The following SLC24A2 variants were observed in gnomAD, a reference collection of about 807,000 sequenced individuals.
SLC24A2 encodes the protein solute carrier family 24 member 2.
In SLC24A2, 36 loss-of-function variants were observed where a neutral mutation model predicts 62.0. That is an observed-to-expected ratio of 0.58 (90% CI 0.44 to 0.77). The LOEUF is 0.77. Among genes scored for constraint, SLC24A2 ranks in the 30% least tolerant of loss-of-function variants. The probability of loss-of-function intolerance (pLI) is 0.00; values close to 1 mark genes in which losing one functional copy is unlikely to be tolerated. For missense variants in SLC24A2, 846 were observed against 817.9 expected, an observed-to-expected ratio of 1.03 and a Z score of -0.42; for synonymous variants, 358 against 294.0, an observed-to-expected ratio of 1.22 and a Z score of -2.23.
the SLC24A2 span, among the ~76,000 whole-genome samples, chr9:20,074,983 G>C: frequency 1.3e-5 from 2 of 152,222 alleles, no homozygotes; most frequent in Middle Eastern, 6.8e-3. Flanking sequence ...TCTGAACCTT[G>C]GTTTCTGCAT....
At chr9:19,818,992 A>G in the SLC24A2 span, among the ~76,000 whole-genome samples, 5 of 152,008 alleles carry the variant, frequency 3.3e-5, no homozygotes, top group Non-Finnish European at 2.9e-5. Context: ...GCTGGTATCA[A>G]AATAGGCACA....
chr9:19,740,612 A>G (rs1056269687), intron 2 of SLC24A2, among the ~76,000 whole-genome samples: 37 of 152,194 alleles, frequency 2.4e-4, no homozygotes, highest in Admixed American at 1.4e-3. Flanking sequence ...CTATTTCCCA[A>G]TCCAGGTGGG....
chr9:20,295,153 A>C, the SLC24A2 span, among the ~76,000 whole-genome samples: 1 of 152,014 alleles, frequency 6.6e-6, no homozygotes, highest in African/African-American at 2.4e-5. Flanking sequence ...AAAATCCCTA[A>C]AGATCAAAAT....
At chr9:19,873,509 TTC>T in the SLC24A2 span, among the ~76,000 whole-genome samples, 1 of 141,976 alleles carries the variant, frequency 7.0e-6, no homozygotes, top group Non-Finnish European at 1.6e-5. Context: ...TTCTTTCTTT[TTC>T]TTTCTCTCTC....
At chr9:19,744,989 T>A (rs771643846) in intron 2 of SLC24A2, among the ~76,000 whole-genome samples, 4 of 152,158 alleles carry the variant, frequency 2.6e-5, no homozygotes, top group Non-Finnish European at 4.4e-5. Flanking sequence ...GTCATCCAAA[T>A]CTCCTGTTGA....
chr9:19,674,511 G>T (rs1431932117), intron 2 of SLC24A2, among the ~76,000 whole-genome samples: 8 of 152,058 alleles, frequency 5.3e-5, no homozygotes, highest in African/African-American at 1.7e-4. Flanking sequence ...ATTATTCCTA[G>T]GTTTGGTTAA....
chr9:20,019,236 A>AC, the SLC24A2 span, among the ~76,000 whole-genome samples: 2 of 148,978 alleles, frequency 1.3e-5, no homozygotes, highest in African/African-American at 4.9e-5. Context: ...AGAAAGAAAG[A>AC]AAAAGAAAGA....
At chr9:20,228,412 G>A in the SLC24A2 span, among the ~76,000 whole-genome samples, 2 of 152,050 alleles carry the variant, frequency 1.3e-5, no homozygotes, top group Non-Finnish European at 2.9e-5. Context: ...CACACCCAGA[G>A]AAGGAACACT....
the SLC24A2 span, among the ~76,000 whole-genome samples, chr9:20,227,607 G>T: frequency 1.4e-5 from 2 of 144,082 alleles, no homozygotes; most frequent in African/African-American, 5.0e-5. Context: ...TTTCTGTAAT[G>T]TACTATTAAT....
the SLC24A2 span, among the ~76,000 whole-genome samples, chr9:20,019,137 GAA>G: frequency 3.8e-5 from 4 of 105,446 alleles, no homozygotes; most frequent in African/African-American, 1.6e-4. Context: ...AAGAAAGAAA[GAA>G]AGAAAGAAAG....
intron 2 of SLC24A2, among the ~76,000 whole-genome samples, chr9:19,761,980 C>G (rs1822347942): frequency 1.3e-5 from 2 of 152,066 alleles, no homozygotes; most frequent in South Asian, 4.2e-4. Context: ...GATTCATAAT[C>G]CTTTGGGTAT....
the SLC24A2 span, among the ~76,000 whole-genome samples, chr9:19,802,438 G>A: frequency 0.013 from 2,018 of 152,236 alleles, 23 homozygotes; most frequent in Non-Finnish European, 0.021. Flanking sequence ...AACGAAGTCT[G>A]GATATGTTTC....
intron 2 of SLC24A2, among the ~76,000 whole-genome samples, chr9:19,637,060 A>T (rs762147560): frequency 1.3e-5 from 2 of 149,512 alleles, no homozygotes; most frequent in Non-Finnish European, 2.9e-5. Context: ...TATCCAAATA[A>T]TACTAATAGC....
the SLC24A2 span, among the ~76,000 whole-genome samples, chr9:20,235,325 T>C: frequency 6.6e-6 from 1 of 152,224 alleles, no homozygotes; most frequent in Non-Finnish European, 1.5e-5. Context: ...CCCCCAGAGG[T>C]GGAGCCTACA....
At chr9:19,559,368 G>A (rs7862043) in intron 7 of SLC24A2, among the ~76,000 whole-genome samples, 25,728 of 152,146 alleles carry the variant, frequency 0.17, 3,143 homozygotes, top group African/African-American at 0.35. Context: ...CTCAGGCAAT[G>A]TGAATAAATA....
chr9:20,010,658 A>C, the SLC24A2 span, among the ~76,000 whole-genome samples: 7 of 152,104 alleles, frequency 4.6e-5, no homozygotes, highest in African/African-American at 1.7e-4. Context: ...TGTGCACAAC[A>C]TGCAGGTTTG....
chr9:19,606,007 C>T (rs1230426288), intron 4 of SLC24A2, among the ~76,000 whole-genome samples: 1 of 152,132 alleles, frequency 6.6e-6, no homozygotes, highest in Non-Finnish European at 1.5e-5. Context: ...ACACCCCAAG[C>T]AGGGTAGAGA....
the SLC24A2 span, among the ~76,000 whole-genome samples, chr9:20,119,441 A>C: frequency 6.6e-6 from 1 of 152,202 alleles, no homozygotes; most frequent in Non-Finnish European, 1.5e-5. Context: ...CAAAAATGCA[A>C]AGTTGGTATA....
At chr9:19,923,440 A>G in the SLC24A2 span, among the ~76,000 whole-genome samples, 2 of 152,300 alleles carry the variant, frequency 1.3e-5, no homozygotes, top group African/African-American at 4.8e-5. Context: ...GATGAGGAAA[A>G]GCAGCCACCC....
Sources: gnomAD v4.1 joint callset for allele counts (sites outside exome capture counted in the v4.1 genomes callset) on GRCh38, gnomAD v4.1.1 for gene constraint, MANE v1.5 for transcripts, NCBI Gene and HGNC (gene_info 2026-07-23, HGNC 2026-07-21) for gene names.